Variants in RUFY3 observed in about 807,000 individuals in gnomAD.
RUFY3 encodes the protein RUN and FYVE domain containing 3.
A neutral mutation model predicts 84.0 loss-of-function variants in RUFY3; 34 were observed. The ratio of observed to expected loss-of-function variants is 0.40; its 90% CI spans 0.31 to 0.54. The LOEUF (loss-of-function observed/expected upper bound fraction) is 0.54. Among genes scored for constraint, RUFY3 ranks in the 20% least tolerant of loss-of-function variants. The pLI is 0.39. For missense variants in RUFY3, 507 were observed against 736.8 expected, an observed-to-expected ratio of 0.69 and a Z score of 3.61; for synonymous variants, 242 against 252.9, an observed-to-expected ratio of 0.96 and a Z score of 0.41.
intron 3 of RUFY3, among the ~76,000 whole-genome samples, 171 bp downstream of exon 3, chr4:70,763,840 A>G (rs1366802849): frequency 6.6e-6 from 1 of 152,214 alleles, no homozygotes; most frequent in Non-Finnish European, 1.5e-5. Context: ...GAATATTGAG[A>G]AAAATGTGCT....
intron 1 of RUFY3, among the ~76,000 whole-genome samples, chr4:70,733,746 T>C (rs1719840478): frequency 6.6e-6 from 1 of 152,200 alleles, no homozygotes; most frequent in African/African-American, 2.4e-5. Context: ...TTTTTAAGTA[T>C]AGGTATACAT....
chr4:70,727,338 A>G (rs1260170601), intron 1 of RUFY3, among the ~76,000 whole-genome samples: 2 of 147,266 alleles, frequency 1.4e-5, no homozygotes, highest in Non-Finnish European at 3.0e-5. Context: ...TAATTCTAGG[A>G]TCAGGAAAGT....
chr4:70,709,624 T>G (rs752106671), intron 1 of RUFY3, among the ~76,000 whole-genome samples: 1 of 152,236 alleles, frequency 6.6e-6, no homozygotes, highest in Non-Finnish European at 1.5e-5. Context: ...GTGTAATACT[T>G]TTAATGCTTT....
intron 5 of RUFY3, 94 bp downstream of exon 5, chr4:70,768,755 T>A: frequency 8.6e-7 from 1 of 1,156,380 alleles, no homozygotes; most frequent in Non-Finnish European, 1.2e-6. Flanking sequence ...AATTAGGCCA[T>A]ATTCTATGAG....
intron 5 of RUFY3, among the ~76,000 whole-genome samples, chr4:70,773,188 T>C (rs1727277490): frequency 6.6e-6 from 1 of 152,108 alleles, no homozygotes; most frequent in South Asian, 2.1e-4. Context: ...AAGTTATTTC[T>C]AAAAATGAAC....
chr4:70,746,090 T>C (rs1722165048), intron 1 of RUFY3, among the ~76,000 whole-genome samples: 2 of 151,886 alleles, frequency 1.3e-5, no homozygotes, highest in African/African-American at 4.8e-5. Flanking sequence ...ACGCCTGTAA[T>C]CCTAGCACTT....
intron 1 of RUFY3, among the ~76,000 whole-genome samples, chr4:70,712,499 G>A (rs1308511738): frequency 6.6e-6 from 1 of 152,178 alleles, no homozygotes; most frequent in Non-Finnish European, 1.5e-5. Flanking sequence ...GGGACTAAAA[G>A]ACAAGTATTG....
At chr4:70,766,490 C>T (rs1376667846) in intron 4 of RUFY3, among the ~76,000 whole-genome samples, 1 of 152,212 alleles carries the variant, frequency 6.6e-6, no homozygotes, top group African/African-American at 2.4e-5. Flanking sequence ...AGTGATCCAC[C>T]TGCCTCAGCC....
chr4:70,742,857 C>A (rs1721543641), intron 1 of RUFY3, among the ~76,000 whole-genome samples: 1 of 152,114 alleles, frequency 6.6e-6, no homozygotes, highest in Non-Finnish European at 1.5e-5. Context: ...ATTCTGAAAT[C>A]CTGAGTGTCA....
intron 1 of RUFY3, among the ~76,000 whole-genome samples, chr4:70,714,309 T>A (rs1252969940): frequency 6.6e-6 from 1 of 152,194 alleles, no homozygotes; most frequent in Non-Finnish European, 1.5e-5. Context: ...AATGAGTAAA[T>A]TAATGAAACT....
At position 70,808,364 on chromosome 4, in the gene RUFY3, A is replaced by C. The variant is rs1289117399; in HGVS notation, c.*1705A>C. On this transcript the variant is annotated 3_prime_UTR_variant, in exon 18 of 18. Coordinates refer to ENST00000381006, the MANE Select transcript of RUFY3 (RefSeq NM_001037442.4). ...AGCAAGAGAAGGCAAAAAACATTAC[A>C]TAATATTTTGATTCTGTTACGTGTG... is the stretch of plus-strand genomic sequence containing the variant. Among the ~76,000 whole-genome samples, 1 of 152,206 alleles carries C rather than the reference A, an allele frequency of 6.6e-6. No individual in the cohort carries two copies. The highest frequency in any genetic ancestry group is 2.4e-5 in the African/African-American group (1 of 41,452).
chr4:70,753,774 G>A (rs1723524249), intron 1 of RUFY3, among the ~76,000 whole-genome samples: 1 of 152,152 alleles, frequency 6.6e-6, no homozygotes, highest in Non-Finnish European at 1.5e-5. Context: ...CTCCCTTTGA[G>A]AATCAGTGCT....
intron 1 of RUFY3, chr4:70,734,386 A>G: frequency 3.0e-6 from 3 of 985,394 alleles, no homozygotes; most frequent in Non-Finnish European, 3.6e-6. Context: ...ATTTGTTGCC[A>G]CCAGTGCAGT....
intron 1 of RUFY3, among the ~76,000 whole-genome samples, chr4:70,706,184 G>C (rs893279749): frequency 6.6e-6 from 1 of 152,156 alleles, no homozygotes; most frequent in Non-Finnish European, 1.5e-5. Context: ...ATGAAAATGT[G>C]GCTGACGATA....
upstream of RUFY3, among the ~76,000 whole-genome samples, chr4:70,721,250 C>T (rs552408010): frequency 2.6e-5 from 4 of 151,840 alleles, no homozygotes; most frequent in South Asian, 2.1e-4. Flanking sequence ...GCTGAGATCA[C>T]GCCACTGCAC....
chr4:70,727,634 A>T (rs190640044), intron 1 of RUFY3, among the ~76,000 whole-genome samples: 2,137 of 151,694 alleles, frequency 0.014, 26 homozygotes, highest in Middle Eastern at 0.051. Context: ...GGGATTACAA[A>T]AAATTAGCTG....
rs183766433 is a variant in RUFY3 at position 70,723,591 on chromosome 4, A to G, written c.178+840A>G. On this transcript the variant is annotated intron_variant, in intron 1 of 17. Transcript: ENST00000381006. ...GCTTCTACCCTTTAATTCTCTTAAT[A>G]CCACAGAAAGAGAGCTGATTTGAAT... 7.2e-5 allele frequency among the ~76,000 whole-genome samples: 11 copies of G among 152,296 alleles called. No individual in the cohort carries two copies. In the East Asian group the frequency reaches 2.1e-3, roughly 29 times the overall value.
At position 70,772,682 on chromosome 4, in the gene RUFY3, C is replaced by T. The variant is rs576408153; in HGVS notation, c.697-829C>T. On this transcript the variant is annotated intron_variant, in intron 5 of 17. Coordinates refer to ENST00000381006, the MANE Select transcript of RUFY3 (RefSeq NM_001037442.4). ...TTTTTTATTTTTATTTTTTTTGAGA[C>T]GGAGTTTTGCTCTTGTTGCCCAGGC... is the stretch of plus-strand genomic sequence containing the variant. 1.7e-3 allele frequency among the ~76,000 whole-genome samples: 252 copies of T among 149,398 alleles called. 1 individual carries two copies. Among genetic ancestry groups the T allele is most frequent in the Admixed American group, 5.2e-3 (78 of 14,968 alleles).
At chr4:70,734,427 G>A (rs1193134922) in intron 1 of RUFY3, 1 of 985,280 alleles carries the variant, frequency 1.0e-6, no homozygotes, top group Non-Finnish European at 1.2e-6. Flanking sequence ...CAGGTTCTCT[G>A]AGCTGTGATT....
Sources: gnomAD v4.1 joint callset for allele counts (sites outside exome capture counted in the v4.1 genomes callset) on GRCh38, gnomAD v4.1.1 for gene constraint, MANE v1.5 for transcripts, NCBI Gene and HGNC (gene_info 2026-07-23, HGNC 2026-07-21) for gene names.